RUNDC3B: variants seen among roughly 807,000 people sequenced by gnomAD.
RUNDC3B encodes the protein RUN domain-containing protein 3B.
RUNDC3B carries 33 observed loss-of-function variants against 58.4 expected under a neutral mutation model. The ratio of observed to expected loss-of-function variants is 0.56; its 90% CI spans 0.43 to 0.75. The LOEUF (loss-of-function observed/expected upper bound fraction) is 0.75, where lower values mean the gene tolerates loss of function less well. Among genes scored for constraint, RUNDC3B ranks in the 30% least tolerant of loss-of-function variants. The pLI, the probability that RUNDC3B is intolerant of heterozygous loss-of-function variation, is 0.00. For missense variants in RUNDC3B, 501 were observed against 535.7 expected (o/e 0.94, Z 0.64); for synonymous variants, 193 against 195.2 (o/e 0.99, Z 0.10).
At chr7:87,631,847 G>A (rs1821256662) in intron 1 of RUNDC3B, among the ~76,000 whole-genome samples, 1 of 151,972 alleles carries the variant, frequency 6.6e-6, no homozygotes, top group Non-Finnish European at 1.5e-5. Context: ...GTTCATTTTT[G>A]TTGTCTGTAA....
chr7:87,640,665 A>G (rs1037609965), intron 1 of RUNDC3B, among the ~76,000 whole-genome samples: 3 of 152,032 alleles, frequency 2.0e-5, no homozygotes, highest in Non-Finnish European at 4.4e-5. Context: ...TTTACACTCC[A>G]ATTACATTAT....
Position 87,725,576 on chromosome 7 carries a change from C to A in RUNDC3B, c.459-14215C>A, listed in dbSNP as rs573662119. On this transcript the variant is annotated intron_variant, in intron 4 of 10. Coordinates refer to ENST00000394654, the MANE Select transcript of RUNDC3B (RefSeq NM_001134405.2). ...ATGTGTGCATGTGTCTTTATAGCAG[C>A]ATGATTTATAATCCTTTGGGTATAT... is the stretch of plus-strand genomic sequence containing the variant. Among the ~76,000 whole-genome samples the A allele has an allele frequency of 4.3e-3, 655 of 152,264 alleles. 2 individuals are homozygous for A. Among genetic ancestry groups the A allele is most frequent in the Admixed American group, 7.9e-3 (120 of 15,276 alleles).
chr7:87,767,194 T>G (rs1162632477), intron 6 of RUNDC3B, among the ~76,000 whole-genome samples: 1 of 152,214 alleles, frequency 6.6e-6, no homozygotes, highest in Non-Finnish European at 1.5e-5. Flanking sequence ...CTCATTTAAC[T>G]TCCTTATAAT....
intron 2 of RUNDC3B, among the ~76,000 whole-genome samples, chr7:87,689,260 A>T (rs1190203629): frequency 6.6e-6 from 1 of 152,112 alleles, no homozygotes; most frequent in African/African-American, 2.4e-5. Flanking sequence ...TCTAACAGAA[A>T]TTGATGATCT....
intron 2 of RUNDC3B, among the ~76,000 whole-genome samples, chr7:87,699,898 T>C (rs1343068816): frequency 1.3e-5 from 2 of 152,202 alleles, no homozygotes; most frequent in Non-Finnish European, 2.9e-5. Flanking sequence ...TATTAGTGAA[T>C]ATAGGATGCT....
At position 87,650,907 on chromosome 7, in the gene RUNDC3B, T is replaced by C; in HGVS notation, c.208T>C (p.Leu70=). 2 of 1,611,520 alleles carry C rather than the reference T, an allele frequency of 1.2e-6. No homozygotes were observed. The highest frequency in any genetic ancestry group is 2.2e-5 in the East Asian group (1 of 44,792). ...SPEFNNFAAI[L]EQILSHRLKG... is the part of the protein sequence containing the mutation. ...TGAATTTAACAATTTTGCAGCTATT[T>C]TGGAACAGATTTTAAGCCACCGGCT... The change falls in exon 2 of 11, where the codon TTG becomes CTG. Residue 70 remains leucine (L), a synonymous_variant. Coordinates refer to ENST00000394654, the MANE Select transcript of RUNDC3B (RefSeq NM_001134405.2).
intron 1 of RUNDC3B, among the ~76,000 whole-genome samples, chr7:87,635,210 G>T (rs1352065951): frequency 1.3e-5 from 2 of 152,020 alleles, no homozygotes; most frequent in Non-Finnish European, 2.9e-5. Flanking sequence ...AGAGAGAATT[G>T]GGTATGTAGA....
chr7:87,712,999 T>C (rs1263803668), intron 4 of RUNDC3B, among the ~76,000 whole-genome samples: 3 of 152,154 alleles, frequency 2.0e-5, no homozygotes, highest in South Asian at 4.1e-4. Context: ...AAAAAAATCT[T>C]ATTTTTCTCC....
chr7:87,680,638 C>T (rs1378608960), intron 2 of RUNDC3B, among the ~76,000 whole-genome samples: 1 of 149,754 alleles, frequency 6.7e-6, no homozygotes, highest in East Asian at 2.0e-4. Context: ...ACCAAAAATA[C>T]AAAAAATTAG....
At chr7:87,823,342 C>T (rs1476936951) in intron 10 of RUNDC3B, among the ~76,000 whole-genome samples, 1 of 152,060 alleles carries the variant, frequency 6.6e-6, no homozygotes, top group Non-Finnish European at 1.5e-5. Flanking sequence ...TCCTGAGGAG[C>T]AAACACACTG....
chr7:87,711,741 C>T (rs1262059597), intron 4 of RUNDC3B, among the ~76,000 whole-genome samples: 1 of 152,018 alleles, frequency 6.6e-6, no homozygotes, highest in African/African-American at 2.4e-5. Context: ...TTCAGATGTC[C>T]CATTGCCACA....
intron 4 of RUNDC3B, among the ~76,000 whole-genome samples, chr7:87,718,550 G>A (rs1285621519): frequency 6.6e-6 from 1 of 151,998 alleles, no homozygotes; most frequent in Non-Finnish European, 1.5e-5. Context: ...ATAGAAATCA[G>A]GTCTGCTATA....
intron 1 of RUNDC3B, among the ~76,000 whole-genome samples, chr7:87,632,713 T>G: frequency 6.6e-6 from 1 of 152,202 alleles, no homozygotes; most frequent in East Asian, 1.9e-4. Flanking sequence ...TTTCTGTCCT[T>G]TATAAGCTTC....
intron 6 of RUNDC3B, among the ~76,000 whole-genome samples, chr7:87,747,559 C>T (rs1433519756): frequency 6.6e-6 from 1 of 152,032 alleles, no homozygotes; most frequent in Non-Finnish European, 1.5e-5. Flanking sequence ...GATTATATGC[C>T]CTTTGTCTTC....
At chr7:87,748,665 A>G (rs1249329593) in intron 6 of RUNDC3B, among the ~76,000 whole-genome samples, 1 of 152,218 alleles carries the variant, frequency 6.6e-6, no homozygotes, top group Non-Finnish European at 1.5e-5. Flanking sequence ...AAATTTTCCT[A>G]GATGCCAGGG....
chr7:87,730,211 C>T (rs188457194), intron 4 of RUNDC3B, among the ~76,000 whole-genome samples: 4 of 152,208 alleles, frequency 2.6e-5, no homozygotes, highest in Admixed American at 2.6e-4. Context: ...AGAATGAATG[C>T]AGGGGACTTT....
At chr7:87,783,368 A>C (rs985664462) in intron 8 of RUNDC3B, among the ~76,000 whole-genome samples, 6 of 151,880 alleles carry the variant, frequency 4.0e-5, no homozygotes, top group Non-Finnish European at 7.4e-5. Context: ...ATCTTTCTTC[A>C]TGTCTTTACT....
intron 2 of RUNDC3B, among the ~76,000 whole-genome samples, chr7:87,692,280 G>T (rs943876491): frequency 6.6e-6 from 1 of 152,010 alleles, no homozygotes; most frequent in African/African-American, 2.4e-5. Context: ...GCAAGATCTG[G>T]TCTCTACAAA....
intron 1 of RUNDC3B, among the ~76,000 whole-genome samples, chr7:87,636,493 C>G (rs1312932739): frequency 1.3e-5 from 2 of 152,098 alleles, no homozygotes. Context: ...ACATGTAATG[C>G]AAATGTCTTC....
Sources: gnomAD v4.1 joint callset for allele counts (sites outside exome capture counted in the v4.1 genomes callset) on GRCh38, gnomAD v4.1.1 for gene constraint, MANE v1.5 for transcripts, NCBI Gene and HGNC (gene_info 2026-07-23, HGNC 2026-07-21) for gene names.